The following KCNIP1 variants were observed in gnomAD, a reference collection of about 807,000 sequenced individuals.
KCNIP1 encodes A-type potassium channel modulatory protein KCNIP1.
Under a neutral mutation model 33.0 loss-of-function variants are expected in KCNIP1, and 18 were observed. The observed-to-expected ratio is 0.55, with a 90% CI of 0.38 to 0.81. The LOEUF is 0.81. Ranked by LOEUF, KCNIP1 falls within the 30% of genes least tolerant of loss-of-function variation. KCNIP1 has a pLI of 0.00. For synonymous variants in KCNIP1, 93 were observed against 98.3 expected (o/e 0.95, Z 0.32); for missense variants, 238 against 271.6 (o/e 0.88, Z 0.87).
chr5:170,478,200 G>C (rs925645583), intron 1 of KCNIP1, among the ~76,000 whole-genome samples: 1 of 152,178 alleles, frequency 6.6e-6, no homozygotes, highest in Non-Finnish European at 1.5e-5. Flanking sequence ...AAGATTTGGG[G>C]CTTTATCCAA....
intron 1 of KCNIP1, among the ~76,000 whole-genome samples, chr5:170,619,837 C>T (rs1260938184): frequency 6.6e-6 from 1 of 152,156 alleles, no homozygotes; most frequent in African/African-American, 2.4e-5. Context: ...ATTCCTGGCA[C>T]TGTTAACACT....
At chr5:170,407,889 CA>C (rs11304896) in intron 1 of KCNIP1, among the ~76,000 whole-genome samples, 62,581 of 152,034 alleles carry the variant, frequency 0.41, 13,351 homozygotes, top group African/African-American at 0.51. Flanking sequence ...CAGTGACCTT[CA>C]AACTATGGTG....
intron 1 of KCNIP1, among the ~76,000 whole-genome samples, chr5:170,396,519 A>C (rs1351809200): frequency 1.3e-5 from 2 of 152,280 alleles, no homozygotes; most frequent in Non-Finnish European, 2.9e-5. Flanking sequence ...AGCTACAGGC[A>C]GACATCAATG....
chr5:170,592,760 T>C (rs1758305903), intron 1 of KCNIP1, among the ~76,000 whole-genome samples: 1 of 152,160 alleles, frequency 6.6e-6, no homozygotes. Context: ...GGAGAGAAAA[T>C]AAATTCTCAG....
chr5:170,721,742 C>G, intron 3 of KCNIP1, 91 bp from the exon 4 acceptor site: 1 of 1,614,142 alleles, frequency 6.2e-7, no homozygotes. Context: ...TCACTCTCCT[C>G]TCTTTCTTGT....
intron 1 of KCNIP1, among the ~76,000 whole-genome samples, chr5:170,410,481 T>C (rs1755157332): frequency 6.7e-6 from 1 of 150,366 alleles, no homozygotes; most frequent in African/African-American, 2.5e-5. Context: ...TCTTGCACCC[T>C]GAAATGGAAT....
chr5:170,583,280 T>C (rs1437391703), intron 1 of KCNIP1, among the ~76,000 whole-genome samples: 2 of 152,346 alleles, frequency 1.3e-5, no homozygotes, highest in Non-Finnish European at 2.9e-5. Context: ...GCTTCCTCTC[T>C]GTTACCTCTG....
At chr5:170,402,008 C>T (rs989038357) in intron 1 of KCNIP1, among the ~76,000 whole-genome samples, 1 of 152,190 alleles carries the variant, frequency 6.6e-6, no homozygotes, top group African/African-American at 2.4e-5. Context: ...TCCTTCCTTG[C>T]CTTTTCCAGC....
intron 1 of KCNIP1, among the ~76,000 whole-genome samples, chr5:170,581,064 C>T (rs550167611): frequency 6.6e-6 from 1 of 152,290 alleles, no homozygotes; most frequent in East Asian, 1.9e-4. Context: ...GCACACTGAG[C>T]CATCTCCTTG....
intron 1 of KCNIP1, among the ~76,000 whole-genome samples, chr5:170,590,833 A>G (rs1758222604): frequency 6.6e-6 from 1 of 152,304 alleles, no homozygotes; most frequent in Middle Eastern, 3.4e-3. Flanking sequence ...GCATGTCTGC[A>G]TCTGCATGCA....
intron 1 of KCNIP1, among the ~76,000 whole-genome samples, chr5:170,365,992 T>C (rs1763649281): frequency 6.6e-6 from 1 of 152,212 alleles, no homozygotes; most frequent in African/African-American, 2.4e-5. Flanking sequence ...ACCAGGGACC[T>C]CCCATGTCTT....
At chr5:170,461,462 C>T (rs988224533) in intron 1 of KCNIP1, among the ~76,000 whole-genome samples, 2 of 152,008 alleles carry the variant, frequency 1.3e-5, no homozygotes, top group Non-Finnish European at 2.9e-5. Flanking sequence ...TAAAAATAGG[C>T]ACATAGGGTT....
intron 1 of KCNIP1, among the ~76,000 whole-genome samples, chr5:170,529,634 G>T (rs1345374607): frequency 1.3e-5 from 2 of 152,208 alleles, no homozygotes; most frequent in African/African-American, 4.8e-5. Flanking sequence ...TGCCTTTGCA[G>T]GGCGCCTGCT....
chr5:170,589,847 G>A (rs1758173151), intron 1 of KCNIP1, among the ~76,000 whole-genome samples: 1 of 145,344 alleles, frequency 6.9e-6, no homozygotes, highest in Non-Finnish European at 1.5e-5. Context: ...GCTGGCCTTA[G>A]GAGCCTGTTG....
At chr5:170,543,025 A>G (rs1561678071) in intron 1 of KCNIP1, among the ~76,000 whole-genome samples, 2 of 152,212 alleles carry the variant, frequency 1.3e-5, no homozygotes, top group Non-Finnish European at 2.9e-5. Context: ...CCTTCTAGCT[A>G]TGTCCTCACA....
chr5:170,380,299 C>T (rs1764187810), intron 1 of KCNIP1, among the ~76,000 whole-genome samples: 1 of 152,184 alleles, frequency 6.6e-6, no homozygotes, highest in Non-Finnish European at 1.5e-5. Flanking sequence ...CCCCATAGCC[C>T]AGGTCCCTAC....
intron 1 of KCNIP1, among the ~76,000 whole-genome samples, chr5:170,682,989 T>C (rs1762410188): frequency 6.6e-6 from 1 of 152,088 alleles, no homozygotes; most frequent in Non-Finnish European, 1.5e-5. Flanking sequence ...GCTCTTCCTT[T>C]CCATATCATA....
chr5:170,656,558 C>A (rs777119377), intron 1 of KCNIP1, among the ~76,000 whole-genome samples: 25 of 152,294 alleles, frequency 1.6e-4, no homozygotes, highest in African/African-American at 5.8e-4. Context: ...ACAATAAAGA[C>A]CCTGTGAGCA....
chr5:170,603,458 T>A (rs1581386807), intron 1 of KCNIP1, among the ~76,000 whole-genome samples: 1 of 152,292 alleles, frequency 6.6e-6, no homozygotes, highest in East Asian at 1.9e-4. Flanking sequence ...GCAGGCCCTG[T>A]GCTGGGAGCC....
Sources: allele counts gnomAD v4.1 joint callset (sites outside exome capture counted in the v4.1 genomes callset), GRCh38; gene constraint gnomAD v4.1.1; transcripts MANE v1.5; gene names NCBI Gene and HGNC (gene_info 2026-07-23, HGNC 2026-07-21).